MAP4K4: variants seen among roughly 807,000 people sequenced by gnomAD.
The protein encoded by MAP4K4 is HPK/GCK-like kinase HGK.
In MAP4K4, 38 loss-of-function variants were observed where a neutral mutation model predicts 189.6. That is an observed-to-expected ratio of 0.20 (90% CI 0.15 to 0.26). The LOEUF (loss-of-function observed/expected upper bound fraction) is 0.26, where lower values mean the gene tolerates loss of function less well. MAP4K4 is among the 10% of genes least tolerant of loss of function. MAP4K4 has a pLI of 1.00. For missense variants in MAP4K4, 1,054 were observed against 1,726.9 expected, an observed-to-expected ratio of 0.61 and a Z score of 6.91; for synonymous variants, 610 against 624.3, an observed-to-expected ratio of 0.98 and a Z score of 0.34.
chr2:101,860,448 C>G (rs2097609746), intron 15 of MAP4K4: 1 of 186,510 alleles, frequency 5.4e-6, no homozygotes, highest in Non-Finnish European at 1.1e-5. Context: ...TCTGTTTGTT[C>G]TGGAGTGCTT....
chr2:101,758,177 G>T (rs2073905761), intron 2 of MAP4K4, among the ~76,000 whole-genome samples: 1 of 152,174 alleles, frequency 6.6e-6, no homozygotes, highest in South Asian at 2.1e-4. Flanking sequence ...GGGTAATGGG[G>T]GTACTACTGT....
At chr2:101,756,176 C>T (rs2072666037) in intron 2 of MAP4K4, among the ~76,000 whole-genome samples, 11 of 151,962 alleles carry the variant, frequency 7.2e-5, no homozygotes, top group Admixed American at 7.2e-4. Flanking sequence ...GATCTCCTGA[C>T]CTCGTGATCC....
At chr2:101,785,658 TC>T (rs1558912362) in intron 2 of MAP4K4, among the ~76,000 whole-genome samples, 8,760 of 56,412 alleles carry the variant, frequency 0.16, 1,813 homozygotes, top group African/African-American at 0.31. Context: ...ATTGCCATCT[TC>T]TTCTTTCTTT....
At chr2:101,738,451 A>AT (rs1215511980) in intron 2 of MAP4K4, among the ~76,000 whole-genome samples, 6 of 152,112 alleles carry the variant, frequency 3.9e-5, no homozygotes, top group Admixed American at 2.6e-4. Context: ...GCCTTTTTAA[A>AT]TTTTTTTAAT....
At chr2:101,887,011 C>A in intron 29 of MAP4K4, 77 bp from the exon 30 acceptor site, 1 of 1,103,964 alleles carries the variant, frequency 9.1e-7, no homozygotes, top group Non-Finnish European at 1.2e-6. Flanking sequence ...GGTGACAGAG[C>A]GAGACTCCGT....
intron 2 of MAP4K4, among the ~76,000 whole-genome samples, chr2:101,740,842 A>C (rs1398888071): frequency 6.6e-6 from 1 of 152,200 alleles, no homozygotes; most frequent in Non-Finnish European, 1.5e-5. Context: ...GTGGAAGTGC[A>C]AAATTCTCTC....
intron 2 of MAP4K4, among the ~76,000 whole-genome samples, chr2:101,781,519 G>T (rs1359947272): frequency 1.3e-5 from 2 of 152,120 alleles, no homozygotes; most frequent in Non-Finnish European, 2.9e-5. Flanking sequence ...GCATCATAAC[G>T]TGGAAGGCAT....
In MAP4K4 at chr2:101,869,501, T is replaced by C. The variant is rs544224170; in HGVS notation, c.2464-121T>C. 14 of 697,238 alleles carry C rather than the reference T, an allele frequency of 2.0e-5. No homozygotes were observed. In the South Asian group the frequency reaches 2.4e-4, roughly 12 times the overall value. The allele number at this position is 697,238 out of a possible 1,614,324, so 43.2% of individuals were successfully genotyped here. A position where few individuals can be genotyped will look rare whatever the true frequency, so the allele number is the denominator to read the frequency against. On this transcript the variant is annotated intron_variant, in intron 21 of 32. Transcript: ENST00000324219. ...ATAGGAGCTCACTTTCTCATGAAACTGGGTAACTATAAAAGTCTTACAAAA... is the reference window on the plus strand; with the variant it reads ...ATAGGAGCTCACTTTCTCATGAAACCGGGTAACTATAAAAGTCTTACAAAA...
chr2:101,816,069 C>T (rs1233419830), intron 3 of MAP4K4, among the ~76,000 whole-genome samples: 1 of 152,176 alleles, frequency 6.6e-6, no homozygotes, highest in African/African-American at 2.4e-5. Context: ...CTCCTCTGGG[C>T]GCCGTTTGGG....
chr2:101,875,750 T>C (rs1460910061), intron 26 of MAP4K4, among the ~76,000 whole-genome samples: 2 of 152,142 alleles, frequency 1.3e-5, no homozygotes, highest in Non-Finnish European at 2.9e-5. Context: ...ATTCTGACAG[T>C]GAAGGTTCTA....
intron 2 of MAP4K4, among the ~76,000 whole-genome samples, chr2:101,751,875 T>C (rs1574898062): frequency 6.6e-6 from 1 of 152,346 alleles, no homozygotes; most frequent in Non-Finnish European, 1.5e-5. Context: ...CTTTCTTTTA[T>C]ACTGTTTTGT....
intron 5 of MAP4K4, among the ~76,000 whole-genome samples, chr2:101,826,938 C>A (rs553510858): frequency 2.6e-5 from 4 of 152,224 alleles, no homozygotes; most frequent in Non-Finnish European, 5.9e-5. Context: ...CGCACCCACA[C>A]CCCTACTTTG....
chr2:101,816,002 T>A (rs914122531), intron 3 of MAP4K4, among the ~76,000 whole-genome samples: 28 of 152,334 alleles, frequency 1.8e-4, no homozygotes, highest in African/African-American at 5.0e-4. Context: ...GTCCTGCGAC[T>A]GCAGCTGCAG....
At chr2:101,860,325 G>T (rs757402429) in intron 15 of MAP4K4, 4 of 213,122 alleles carry the variant, frequency 1.9e-5, no homozygotes, top group Admixed American at 5.2e-5. Context: ...ACTGCTCGGG[G>T]GTGCAAGATG....
At chr2:101,779,805 C>T (rs564035893) in intron 2 of MAP4K4, among the ~76,000 whole-genome samples, 1 of 137,594 alleles carries the variant, frequency 7.3e-6, no homozygotes, top group Admixed American at 7.5e-5. Context: ...TCTCTTTCAC[C>T]TCTCTTTTTT....
chr2:101,848,409 C>T (rs1316374900), intron 12 of MAP4K4, among the ~76,000 whole-genome samples: 1 of 152,106 alleles, frequency 6.6e-6, no homozygotes, highest in Non-Finnish European at 1.5e-5. Flanking sequence ...CCTTTATTGG[C>T]ATTAAGGATT....
intron 3 of MAP4K4, 144 bp downstream of exon 3, chr2:101,790,920 T>G: frequency 1.4e-6 from 1 of 706,896 alleles, no homozygotes; most frequent in Non-Finnish European, 2.4e-6. Context: ...ATAGGTCCAG[T>G]GGACTAGTTG....
chr2:101,879,944 A>G (rs760370496), intron 27 of MAP4K4, among the ~76,000 whole-genome samples: 72 of 151,466 alleles, frequency 4.8e-4, no homozygotes, highest in Non-Finnish European at 9.0e-4. Flanking sequence ...TTTAATTTGC[A>G]ATTTCCTAAT....
chr2:101,873,534 A>G, intron 24 of MAP4K4, 113 bp from the exon 25 acceptor site: 2 of 634,950 alleles, frequency 3.1e-6, no homozygotes, highest in South Asian at 1.8e-5. Context: ...TGCAAGGCAA[A>G]TAGAGCAAAG....
Sources: gnomAD v4.1 joint callset for allele counts (sites outside exome capture counted in the v4.1 genomes callset) on GRCh38, gnomAD v4.1.1 for gene constraint, MANE v1.5 for transcripts, NCBI Gene and HGNC (gene_info 2026-07-23, HGNC 2026-07-21) for gene names.